Variants in HS2ST1 observed in about 807,000 individuals in gnomAD.
The protein encoded by HS2ST1 is heparan sulfate 2-O-sulfotransferase 1.
In HS2ST1, 18 loss-of-function variants were observed where a neutral mutation model predicts 42.9. That is an observed-to-expected ratio of 0.42 (90% confidence interval 0.29 to 0.62). HS2ST1 has a LOEUF of 0.62. HS2ST1 is among the 20% of genes least tolerant of loss of function. The pLI is 0.21. For synonymous variants in HS2ST1, 146 were observed against 152.9 expected (o/e 0.95, Z 0.33); for missense variants, 334 against 433.8 (o/e 0.77, Z 2.04).
chr1:86,932,005 C>T (rs1006972889), intron 1 of HS2ST1, among the ~76,000 whole-genome samples: 5 of 151,876 alleles, frequency 3.3e-5, no homozygotes, highest in African/African-American at 7.3e-5. Context: ...AACTCCTGCC[C>T]TTTAATGATC....
chr1:86,917,375 C>T (rs1490670240), intron 1 of HS2ST1, among the ~76,000 whole-genome samples: 1 of 152,026 alleles, frequency 6.6e-6, no homozygotes, highest in African/African-American at 2.4e-5. Flanking sequence ...AAAAATTAGT[C>T]GGGCGGGGTG....
chr1:86,952,259 A>T (rs1312296122), intron 1 of HS2ST1, among the ~76,000 whole-genome samples: 2 of 152,132 alleles, frequency 1.3e-5, no homozygotes, highest in African/African-American at 2.4e-5. Flanking sequence ...TTTTTTTGAG[A>T]TAGAATCTCG....
intron 1 of HS2ST1, among the ~76,000 whole-genome samples, chr1:86,990,175 C>T (rs1557506523): frequency 2.0e-5 from 3 of 152,168 alleles, no homozygotes; most frequent in African/African-American, 7.2e-5. Flanking sequence ...CTAATTTACA[C>T]TCCCATAAAC....
chr1:86,941,428 G>A (rs1461770894), intron 1 of HS2ST1, among the ~76,000 whole-genome samples: 2 of 151,920 alleles, frequency 1.3e-5, no homozygotes, highest in South Asian at 2.1e-4. Context: ...ATAAATCTGT[G>A]TACCTACTAC....
At chr1:87,045,319 C>T in intron 1 of HS2ST1, 2 of 1,206,804 alleles carry the variant, frequency 1.7e-6, no homozygotes, top group Non-Finnish European at 2.5e-6. Context: ...TGCAATTTCT[C>T]ATTCCAAATT....
At chr1:87,097,179 G>A (rs1418669560) in intron 4 of HS2ST1, among the ~76,000 whole-genome samples, 1 of 152,098 alleles carries the variant, frequency 6.6e-6, no homozygotes, top group Non-Finnish European at 1.5e-5. Context: ...ATGCTCTGGA[G>A]GACACAAATG....
rs546069892 is a variant in HS2ST1 at position 87,070,407 on chromosome 1, A to G, written c.125-2527A>G. Among the ~76,000 whole-genome samples the G allele has an allele frequency of 2.0e-5, 3 of 152,250 alleles. No homozygotes were observed. In the East Asian group the frequency reaches 5.8e-4, roughly 29 times the overall value. On this transcript the variant is annotated intron_variant, in intron 1 of 6. Transcript: ENST00000370550. ...GGAGTTCAAGACCAGCCTGGGCAAC[A>G]TGGTGAAACGCCGTCTCTACAAAAA...
At chr1:87,076,532 G>A (rs1163475001) in intron 2 of HS2ST1, among the ~76,000 whole-genome samples, 1 of 152,064 alleles carries the variant, frequency 6.6e-6, no homozygotes, top group Non-Finnish European at 1.5e-5. Flanking sequence ...AAGTTGAAAA[G>A]TTAAAAGAAG....
chr1:86,917,456 T>A (rs1660187343), intron 1 of HS2ST1, among the ~76,000 whole-genome samples: 1 of 151,720 alleles, frequency 6.6e-6, no homozygotes, highest in Non-Finnish European at 1.5e-5. Flanking sequence ...GAGGCAGAGA[T>A]TGCAGTAAGC....
chr1:87,096,976 G>A (rs1267339599), intron 4 of HS2ST1, among the ~76,000 whole-genome samples: 1 of 152,172 alleles, frequency 6.6e-6, no homozygotes, highest in Non-Finnish European at 1.5e-5. Flanking sequence ...AATGGCCTAG[G>A]CTGGCAAATC....
chr1:86,962,592 T>G (rs951807570), intron 1 of HS2ST1, among the ~76,000 whole-genome samples: 13 of 152,196 alleles, frequency 8.5e-5, no homozygotes, highest in African/African-American at 3.1e-4. Context: ...AATATGAAGT[T>G]TGGACACATG....
chr1:86,929,749 T>C (rs1660503435), intron 1 of HS2ST1, among the ~76,000 whole-genome samples: 1 of 151,830 alleles, frequency 6.6e-6, no homozygotes, highest in African/African-American at 2.4e-5. Flanking sequence ...ATTTCTCCAT[T>C]TTAGAAAAAG....
intron 1 of HS2ST1, among the ~76,000 whole-genome samples, chr1:86,985,383 TACACACACACAC>T (rs1318154258): frequency 2.2e-5 from 1 of 44,748 alleles, no homozygotes; most frequent in Admixed American, 3.9e-4. Flanking sequence ...TATATATATA[TACACACACACAC>T]ACACATATAT....
rs1652321915 is a variant in HS2ST1 at position 87,106,261 on chromosome 1, T to C, written c.*1565T>C. On this transcript the variant is annotated 3_prime_UTR_variant, in exon 7 of 7. Transcript: ENST00000370550. Reference sequence around the variant, plus strand: ...TTTATCTTCCATGTTTCAACAACTATTGAAATATGAAATGCCTGTGAACTC... The same window carrying C: ...TTTATCTTCCATGTTTCAACAACTACTGAAATATGAAATGCCTGTGAACTC... The C allele has an allele frequency of 6.6e-6, 1 of 152,520 alleles. No individual in the cohort carries two copies. The highest frequency in any genetic ancestry group is 1.5e-5 in the Non-Finnish European group (1 of 67,956). 9.4% of individuals were successfully genotyped at this position (152,520 alleles called of 1,614,324 possible).
In HS2ST1 at chr1:86,914,990, C is replaced by T; in HGVS notation, c.-47C>T. 6.2e-7 allele frequency: 1 copy of T among 1,611,158 alleles called. No homozygotes were observed. Among genetic ancestry groups the T allele is most frequent in the Non-Finnish European group, 8.5e-7 (1 of 1,179,246 alleles). ...GGCGTCTCTCTCGCCTCCGGGGTCC[C>T]GCTCCCCGCCCCCCGCGGTATGTCT... On this transcript the variant is annotated 5_prime_UTR_variant, in exon 1 of 7. Coordinates refer to ENST00000370550, the MANE Select transcript of HS2ST1 (RefSeq NM_012262.4).
In HS2ST1 at chr1:87,104,800, A is replaced by G. The variant is rs1448522275; in HGVS notation, c.*104A>G. The G allele has an allele frequency of 3.0e-6, 2 of 667,954 alleles. No homozygotes were observed. The highest frequency in any genetic ancestry group is 5.4e-5 in the East Asian group (2 of 36,854). The allele number at this position is 667,954 out of a possible 1,614,324, so 41.4% of individuals were successfully genotyped here. Reference sequence around the variant, plus strand: ...TTGCTGACAGTAGGTGTATATGACAATTTGTATTGAGCCAAATTAGGAAAC... The same window carrying G: ...TTGCTGACAGTAGGTGTATATGACAGTTTGTATTGAGCCAAATTAGGAAAC... On this transcript the variant is annotated 3_prime_UTR_variant, in exon 7 of 7. Transcript: ENST00000370550.
intron 1 of HS2ST1, among the ~76,000 whole-genome samples, chr1:87,029,836 T>A (rs948856866): frequency 2.0e-5 from 3 of 152,174 alleles, no homozygotes; most frequent in African/African-American, 7.2e-5. Flanking sequence ...AATAAACATA[T>A]TCAAGGACAC....
intron 1 of HS2ST1, among the ~76,000 whole-genome samples, chr1:86,971,835 GA>G (rs912247598): frequency 3.5e-4 from 51 of 147,128 alleles, no homozygotes; most frequent in African/African-American, 1.0e-3. Flanking sequence ...ATTCTTGAAA[GA>G]AAAAAAAAAT....
chr1:87,087,170 G>C (rs1312143699), intron 3 of HS2ST1, among the ~76,000 whole-genome samples: 1 of 151,812 alleles, frequency 6.6e-6, no homozygotes, highest in Non-Finnish European at 1.5e-5. Context: ...AGCCCATTTT[G>C]ATTTTCTTCA....
Sources: gnomAD v4.1 joint callset for allele counts (sites outside exome capture counted in the v4.1 genomes callset) on GRCh38, gnomAD v4.1.1 for gene constraint, MANE v1.5 for transcripts, NCBI Gene and HGNC (gene_info 2026-07-23, HGNC 2026-07-21) for gene names.